The following CDC5L variants were observed in gnomAD, a reference collection of about 807,000 sequenced individuals.
CDC5L encodes cell division cycle 5-like protein.
Under a neutral mutation model 104.1 loss-of-function variants are expected in CDC5L, and 18 were observed. The observed-to-expected ratio is 0.17, with a 90% confidence interval of 0.12 to 0.26. The LOEUF is 0.26. CDC5L is among the 10% of genes least tolerant of loss of function. CDC5L has a pLI of 1.00. For synonymous variants in CDC5L, 331 were observed against 322.7 expected, an observed-to-expected ratio of 1.03 and a Z score of -0.28; for missense variants, 673 against 956.9, an observed-to-expected ratio of 0.70 and a Z score of 3.91.
intron 11 of CDC5L, 99 bp downstream of exon 11, chr6:44,424,682 G>A: frequency 9.0e-7 from 1 of 1,114,668 alleles, no homozygotes; most frequent in South Asian, 1.5e-5. Flanking sequence ...TCTCTACCTA[G>A]TCCTTTTTAA....
chr6:44,417,287 A>G (rs987897802), intron 8 of CDC5L, among the ~76,000 whole-genome samples: 1 of 152,172 alleles, frequency 6.6e-6, no homozygotes, highest in African/African-American at 2.4e-5. Context: ...GTGAATCTGC[A>G]TGTGGTCTTT....
chr6:44,406,295 A>G, intron 6 of CDC5L, 28 bp from the exon 7 acceptor site: 1 of 1,547,448 alleles, frequency 6.5e-7, no homozygotes, highest in South Asian at 1.2e-5. Context: ...TAACTTAAAA[A>G]TCTCTTTTCT....
intron 8 of CDC5L, among the ~76,000 whole-genome samples, chr6:44,414,487 CT>C (rs1316210840): frequency 1.5e-3 from 188 of 126,926 alleles, no homozygotes; most frequent in Non-Finnish European, 1.3e-3. Flanking sequence ...ATTGGGTTAT[CT>C]TTTTTTTTTT....
intron 14 of CDC5L, among the ~76,000 whole-genome samples, chr6:44,443,948 GTCT>G (rs1793330728): frequency 6.6e-6 from 1 of 151,770 alleles, no homozygotes; most frequent in African/African-American, 2.4e-5. Flanking sequence ...GCCTCTCTCA[GTCT>G]TCTTAGCCTT....
In CDC5L at chr6:44,429,900, A is replaced by G. The variant is rs755886747; in HGVS notation, c.2081A>G (p.Lys694Arg). ...SKKDRIESLE[K>R]RLEINRGHMT... ...AAGGACAGAATTGAATCACTTGAAA[A>G]GAGGCTCGAGGTTGGTATCCTTTTA... The change falls in exon 14 of 16, where the codon AAG becomes AGG. Residue 694 changes from lysine to arginine, a missense_variant. Around this residue, in one of 4 missense-constraint regions of CDC5L, gnomAD observed 578 missense variants for 737.0 expected, o/e 0.78. Coordinates refer to ENST00000371477, the MANE Select transcript of CDC5L (RefSeq NM_001253.4). The G allele has an allele frequency of 2.5e-6, 4 of 1,613,570 alleles. No individual in the cohort carries two copies. In the Admixed American group the frequency reaches 5.0e-5, roughly 20 times the overall value.
intron 1 of CDC5L, among the ~76,000 whole-genome samples, chr6:44,389,779 T>C (rs1790509050): frequency 6.6e-6 from 1 of 152,172 alleles, no homozygotes; most frequent in South Asian, 2.1e-4. Context: ...ACTTGCTTCT[T>C]GAGGCCTGGA....
chr6:44,419,690 T>C, intron 9 of CDC5L, 93 bp downstream of exon 9: 1 of 938,658 alleles, frequency 1.1e-6, no homozygotes, highest in African/African-American at 1.6e-5. Flanking sequence ...AATGACTACT[T>C]ATTGTGTTGG....
intron 1 of CDC5L, among the ~76,000 whole-genome samples, chr6:44,389,485 A>G (rs1352597627): frequency 1.3e-5 from 2 of 152,174 alleles, no homozygotes; most frequent in South Asian, 2.1e-4. Flanking sequence ...GCATGCATCT[A>G]TGGCTCCATT....
intron 9 of CDC5L, among the ~76,000 whole-genome samples, chr6:44,420,980 C>T (rs1439435890): frequency 6.6e-6 from 1 of 152,142 alleles, no homozygotes; most frequent in Non-Finnish European, 1.5e-5. Context: ...CTCAGTTGTA[C>T]CTATGGTCTG....
intron 14 of CDC5L, among the ~76,000 whole-genome samples, chr6:44,438,168 G>A (rs1282917222): frequency 2.0e-5 from 3 of 152,102 alleles, no homozygotes; most frequent in Non-Finnish European, 2.9e-5. Context: ...GGTTGGTCTC[G>A]AACTCCTGGG....
chr6:44,410,719 T>A lies in CDC5L; in HGVS notation c.1092+2087T>A, dbSNP rs138570977. On this transcript the variant is annotated intron_variant, in intron 8 of 15. Coordinates refer to ENST00000371477, the MANE Select transcript of CDC5L (RefSeq NM_001253.4). ...TGAAGCTTACATTATCTTACATGAT[T>A]TATGATGCATGTTTCTTGGTGAAGG... 8.0e-3 allele frequency among the ~76,000 whole-genome samples: 1,218 copies of A among 152,302 alleles called. 13 individuals are homozygous for A. Among genetic ancestry groups the A allele is most frequent in the Middle Eastern group, 0.027 (8 of 294 alleles).
chr6:44,422,678 C>T lies in CDC5L; in HGVS notation c.1273C>T (p.Pro425Ser), dbSNP rs1415367763. Residue 425 changes from proline (P) to serine (S), a missense_variant, in exon 10 of 16, where the codon CCC becomes TCC. Transcript: ENST00000371477. ...TTCTAATGGAGCTGAAGGGCTGACT[C>T]CCCGGAGTGGAACAACTCCCAAACC... is the stretch of plus-strand genomic sequence containing the variant. ...TPSNGAEGLT[P>S]RSGTTPKPVI... 7.4e-6 allele frequency: 12 copies of T among 1,611,976 alleles called. No homozygotes were observed. Among genetic ancestry groups the T allele is most frequent in the Non-Finnish European group, 1.0e-5 (12 of 1,178,844 alleles).
chr6:44,405,961 G>C (rs1791345263), intron 6 of CDC5L, among the ~76,000 whole-genome samples: 1 of 151,810 alleles, frequency 6.6e-6, no homozygotes, highest in South Asian at 2.1e-4. Flanking sequence ...GAGTATAGTG[G>C]TGCGATCTCA....
intron 13 of CDC5L, among the ~76,000 whole-genome samples, chr6:44,427,693 C>T (rs1011184826): frequency 2.0e-5 from 3 of 152,138 alleles, no homozygotes; most frequent in African/African-American, 7.2e-5. Flanking sequence ...TTAGTAAGTG[C>T]AGTAGGGAAA....
At chr6:44,406,197 T>C in intron 6 of CDC5L, 126 bp from the exon 7 acceptor site, 1 of 718,446 alleles carries the variant, frequency 1.4e-6, no homozygotes, top group Admixed American at 3.2e-5. Flanking sequence ...CCATTGCACC[T>C]GGCCTTTTCA....
In CDC5L at chr6:44,447,787, A is replaced by G. The variant is rs775984030; in HGVS notation, c.*1076A>G. On this transcript the variant is annotated 3_prime_UTR_variant, in exon 16 of 16. Transcript: ENST00000371477. Reference sequence around the variant, plus strand: ...ACAGACAATTAAAATCCAAATGTTTATTTGGTGATTCTTATGTGTCAGACA... The same window carrying G: ...ACAGACAATTAAAATCCAAATGTTTGTTTGGTGATTCTTATGTGTCAGACA... 21 of 152,196 alleles carry G rather than the reference A, an allele frequency of 1.4e-4. No individual in the cohort carries two copies. Among genetic ancestry groups the G allele is most frequent in the Non-Finnish European group, 2.6e-4 (18 of 68,026 alleles). 9.4% of individuals were successfully genotyped at this position (152,196 alleles called of 1,614,324 possible).
At chr6:44,416,789 A>G (rs1184557944) in intron 8 of CDC5L, among the ~76,000 whole-genome samples, 1 of 152,192 alleles carries the variant, frequency 6.6e-6, no homozygotes, top group African/African-American at 2.4e-5. Context: ...TTTGGCACAT[A>G]TGATATTTCA....
In CDC5L at chr6:44,419,508, T is replaced by C. The variant is rs1442266984; in HGVS notation, c.1152T>C (p.Asn384=). 1 of 1,613,848 alleles carries C rather than the reference T, an allele frequency of 6.2e-7. No individual in the cohort carries two copies. Residue 384 remains asparagine (N), a synonymous_variant, in exon 9 of 16, where the codon AAT becomes AAC. Transcript: ENST00000371477. ...ACACCCCATTGAAAGGTGGACTTAATACCCCATTGCATGAGAGTGACTTCT... is the reference window on the plus strand; with the variant it reads ...ACACCCCATTGAAAGGTGGACTTAACACCCCATTGCATGAGAGTGACTTCT... The part of the protein sequence containing the change: ...NVDTPLKGGL[N]TPLHESDFSG...
chr6:44,430,235 G>T (rs751656531), intron 14 of CDC5L, among the ~76,000 whole-genome samples: 2 of 151,866 alleles, frequency 1.3e-5, no homozygotes, highest in African/African-American at 2.4e-5. Context: ...GAACAGGCAG[G>T]TCATTGCTAG....
Sources: allele counts gnomAD v4.1 joint callset (sites outside exome capture counted in the v4.1 genomes callset), GRCh38; gene constraint gnomAD v4.1.1; regional missense constraint gnomAD v4.1.1; transcripts MANE v1.5; gene names NCBI Gene and HGNC (gene_info 2026-07-23, HGNC 2026-07-21).